SOX6: variants seen among roughly 807,000 people sequenced by gnomAD.
SOX6 encodes SRY-box transcription factor 6.
A neutral mutation model predicts 97.8 loss-of-function variants in SOX6; 11 were observed. The observed-to-expected ratio is 0.11, with a 90% confidence interval of 0.07 to 0.19. The LOEUF (loss-of-function observed/expected upper bound fraction) is 0.19. Ranked by LOEUF, SOX6 falls within the 10% of genes least tolerant of loss-of-function variation. SOX6 has a pLI of 1.00. For synonymous variants in SOX6, 360 were observed against 371.4 expected (o/e 0.97, Z 0.35); for missense variants, 810 against 1,039.5 (o/e 0.78, Z 3.04).
chr11:16,285,256 G>C lies in SOX6; in HGVS notation c.445+33190C>G, dbSNP rs117934485. On this transcript the variant is annotated intron_variant, in intron 3 of 15. Transcript: ENST00000683767. ...AATTGTAAAAAATATTTTTAAGGCA[G>C]GTGCAGTGGCTCATGCCTGTAATTC... Among the ~76,000 whole-genome samples the C allele has an allele frequency of 1.3e-4, 20 of 152,258 alleles. No individual in the cohort carries two copies. The East Asian group carries it at 3.3e-3, about 25-fold the overall frequency.
chr11:16,224,064 T>C lies in SOX6; in HGVS notation c.535+10518A>G, dbSNP rs577498417. 5.3e-5 allele frequency among the ~76,000 whole-genome samples: 8 copies of C among 152,152 alleles called. No individual in the cohort carries two copies. The South Asian group carries it at 1.7e-3, about 32-fold the overall frequency. ...CTCTAGGCTGTAGCTATTCCTAAAA[T>C]TAGCCTTTTAAAAACAAAATCAATA... On this transcript the variant is annotated intron_variant, in intron 4 of 15. Coordinates refer to ENST00000683767, the MANE Select transcript of SOX6 (RefSeq NM_001367873.1).
chr11:16,646,408 T>TTTATATCATC (rs1225845406), intron 3 of SOX6: 12 of 152,202 alleles, frequency 7.9e-5, no homozygotes, highest in Non-Finnish European at 5.9e-5. Flanking sequence ...TGTGTTGCTA[T>TTTATATCATC]TTATATCATC....
At chr11:16,444,416 G>A (rs1859573381) in intron 1 of SOX6, among the ~76,000 whole-genome samples, 1 of 152,092 alleles carries the variant, frequency 6.6e-6, no homozygotes, top group Admixed American at 6.6e-5. Context: ...AATGGCTCAT[G>A]TCTTATCTTT....
chr11:16,415,895 T>C (rs1290974118), intron 1 of SOX6, among the ~76,000 whole-genome samples: 2 of 152,174 alleles, frequency 1.3e-5, no homozygotes, highest in Non-Finnish European at 2.9e-5. Context: ...AGAGTAAAGT[T>C]ATGAGGAACA....
intron 2 of SOX6, among the ~76,000 whole-genome samples, chr11:16,332,292 C>T (rs1469814965): frequency 6.6e-6 from 1 of 152,086 alleles, no homozygotes; most frequent in Non-Finnish European, 1.5e-5. Context: ...AATTATTACT[C>T]ACCACTGGAA....
intron 1 of SOX6, among the ~76,000 whole-genome samples, chr11:16,363,860 G>A (rs1006723555): frequency 4.6e-5 from 7 of 152,086 alleles, no homozygotes; most frequent in South Asian, 4.2e-4. Context: ...TTCAGATGAG[G>A]GAACTAACCA....
intron 4 of SOX6, among the ~76,000 whole-genome samples, chr11:16,533,698 A>T (rs546815421): frequency 1.3e-5 from 2 of 152,098 alleles, no homozygotes; most frequent in African/African-American, 4.8e-5. Flanking sequence ...GAGAGAGATA[A>T]TAAACAAAAC....
In SOX6 at chr11:15,973,223, G is replaced by C. The variant is rs571505048; in HGVS notation, c.2184-111C>G. 2.1e-5 allele frequency: 22 copies of C among 1,040,808 alleles called. No homozygotes were observed. The South Asian group carries it at 3.1e-4, about 15-fold the overall frequency. The allele number at this position is 1,040,808 out of a possible 1,614,324, so 64.5% of individuals were successfully genotyped here. On this transcript the variant is annotated intron_variant, in intron 15 of 15. Coordinates refer to ENST00000683767, the MANE Select transcript of SOX6 (RefSeq NM_001367873.1). ...TTTCAAAAGGGAGCCCTAAATAAAT[G>C]TTAAATAACATTCTAAGCAAATAAA...
At chr11:16,062,476 G>T (rs1847984218) in intron 9 of SOX6, among the ~76,000 whole-genome samples, 1 of 151,504 alleles carries the variant, frequency 6.6e-6, no homozygotes. Context: ...ACATAGTTGA[G>T]GTTTAAAAAT....
chr11:16,003,451 T>A (rs1854462500), intron 13 of SOX6, among the ~76,000 whole-genome samples: 1 of 152,086 alleles, frequency 6.6e-6, no homozygotes, highest in Non-Finnish European at 1.5e-5. Flanking sequence ...CGTACCTCCA[T>A]CTTAACATTT....
In SOX6 at chr11:16,060,172, T is replaced by A. The variant is rs531654209; in HGVS notation, c.1102-4271A>T. On this transcript the variant is annotated intron_variant, in intron 9 of 15. Coordinates refer to ENST00000683767, the MANE Select transcript of SOX6 (RefSeq NM_001367873.1). ...TTTTGGAAATACATCTATTTTTTTT[T>A]AAAAAAGTTGACTATGAATCCTTCA... Among the ~76,000 whole-genome samples, 393 of 150,982 alleles carry A rather than the reference T, an allele frequency of 2.6e-3. 1 individual carries two copies. Among genetic ancestry groups the A allele is most frequent in the South Asian group, 7.5e-3 (36 of 4,820 alleles).
At chr11:16,497,974 A>G (rs892446703) in intron 4 of SOX6, among the ~76,000 whole-genome samples, 4 of 152,194 alleles carry the variant, frequency 2.6e-5, no homozygotes, top group African/African-American at 9.7e-5. Flanking sequence ...GAATGCCACA[A>G]AGATACTCCT....
intron 2 of SOX6, among the ~76,000 whole-genome samples, chr11:16,321,206 A>T (rs1279124972): frequency 1.3e-5 from 2 of 151,642 alleles, no homozygotes; most frequent in Non-Finnish European, 2.9e-5. Context: ...TCACCATTTG[A>T]TCAATCATAC....
At chr11:16,263,517 A>C (rs796556266) in intron 3 of SOX6, among the ~76,000 whole-genome samples, 16 of 152,106 alleles carry the variant, frequency 1.1e-4, no homozygotes, top group African/African-American at 3.6e-4. Context: ...TCAGATATGG[A>C]AGAAAGGATA....
intron 12 of SOX6, among the ~76,000 whole-genome samples, chr11:16,036,490 C>G (rs994492689): frequency 6.6e-6 from 1 of 152,128 alleles, no homozygotes; most frequent in Admixed American, 6.6e-5. Flanking sequence ...CAAAGAAGTT[C>G]ATATTTCATA....
At chr11:16,450,692 T>C (rs1859700388) in intron 1 of SOX6, among the ~76,000 whole-genome samples, 1 of 152,222 alleles carries the variant, frequency 6.6e-6, no homozygotes, top group African/African-American at 2.4e-5. Context: ...GAGCAGAGTT[T>C]TGAACATCTA....
At chr11:16,153,491 G>A (rs1707817746) in intron 6 of SOX6, among the ~76,000 whole-genome samples, 1 of 152,106 alleles carries the variant, frequency 6.6e-6, no homozygotes, top group Non-Finnish European at 1.5e-5. Flanking sequence ...GATAGGACTG[G>A]TTAGACAAAT....
At chr11:16,074,315 C>T (rs1256945947) in intron 9 of SOX6, among the ~76,000 whole-genome samples, 2 of 152,202 alleles carry the variant, frequency 1.3e-5, no homozygotes, top group African/African-American at 2.4e-5. Flanking sequence ...ATGAACATCT[C>T]TATGCAAACA....
At chr11:16,685,798 T>C (rs1429589267) in intron 3 of SOX6, among the ~76,000 whole-genome samples, 1 of 152,278 alleles carries the variant, frequency 6.6e-6, no homozygotes, top group Non-Finnish European at 1.5e-5. Flanking sequence ...CCCACATTTC[T>C]CCTCTGTACT....
Sources: allele counts gnomAD v4.1 joint callset (sites outside exome capture counted in the v4.1 genomes callset), GRCh38; gene constraint gnomAD v4.1.1; transcripts MANE v1.5; gene names NCBI Gene and HGNC (gene_info 2026-07-23, HGNC 2026-07-21).